Variants in CDH18 observed in about 807,000 individuals in gnomAD.
CDH18 encodes cadherin 18, also known as cadherin-18.
In CDH18, 31 loss-of-function variants were observed where a neutral mutation model predicts 67.9. The ratio of observed to expected loss-of-function variants is 0.46; its 90% CI spans 0.34 to 0.62. CDH18 has a LOEUF of 0.62. Among genes scored for constraint, CDH18 ranks in the 20% least tolerant of loss-of-function variants. The pLI is 0.01. For missense variants in CDH18, 890 were observed against 975.5 expected (o/e 0.91, Z 1.17); for synonymous variants, 362 against 347.2 (o/e 1.04, Z -0.48).
rs1034064817 is a variant in CDH18 at position 20,050,186 on chromosome 5, G to T, written c.-517-58172C>A. 2.7e-4 allele frequency among the ~76,000 whole-genome samples: 41 copies of T among 151,946 alleles called. 1 individual carries two copies. Among genetic ancestry groups the T allele is most frequent in the African/African-American group, 9.6e-4 (40 of 41,530 alleles). ...AATTTTGCCTTTGGGCAAATTGAGGGTTGAAGGGCATTTCCTAATAAAGGT... is the reference window on the plus strand; with the variant it reads ...AATTTTGCCTTTGGGCAAATTGAGGTTTGAAGGGCATTTCCTAATAAAGGT... On this transcript the variant is annotated intron_variant, in intron 2 of 14. Transcript: ENST00000507958.
Position 19,591,140 on chromosome 5 carries a change from A to G in CDH18, c.916T>C (p.Ser306Pro). ...DTGSNADMTYSIINGDGMGIF... is the reference protein window; with the variant it reads ...DTGSNADMTYPIINGDGMGIF... The stretch of plus-strand genomic sequence containing the variant: ...CCCATGCCATCACCATTTATGATGG[A>G]GTAGGTCATGTCAGCATTTGAGCCA... Residue 306 changes from serine to proline, a missense_variant, in exon 7 of 13, where the codon TCC becomes CCC. By Grantham distance (74) the Ser-to-Pro change is moderately conservative (BLOSUM62 -1). Transcript: ENST00000382275. 6.2e-7 allele frequency: 1 copy of G among 1,610,806 alleles called. No individual in the cohort carries two copies. The highest frequency in any genetic ancestry group is 8.5e-7 in the Non-Finnish European group (1 of 1,177,382).
At chr5:19,888,064 T>G (rs140226600) in intron 2 of CDH18, among the ~76,000 whole-genome samples, 1 of 152,132 alleles carries the variant, frequency 6.6e-6, no homozygotes, top group East Asian at 1.9e-4. Flanking sequence ...TATTCCCTTA[T>G]TCTATTTGTC....
At chr5:19,593,012 A>T (rs944893452) in intron 6 of CDH18, among the ~76,000 whole-genome samples, 1 of 151,974 alleles carries the variant, frequency 6.6e-6, no homozygotes, top group African/African-American at 2.4e-5. Flanking sequence ...CTCTTTTTTT[A>T]AGGCTAAATA....
intron 2 of CDH18, among the ~76,000 whole-genome samples, chr5:20,082,369 T>C (rs1453903557): frequency 2.0e-5 from 3 of 152,182 alleles, no homozygotes; most frequent in Non-Finnish European, 2.9e-5. Flanking sequence ...AATGGTGAAA[T>C]GTAATTAAAA....
At chr5:19,561,849 T>C (rs1030316657) in intron 8 of CDH18, among the ~76,000 whole-genome samples, 1 of 152,134 alleles carries the variant, frequency 6.6e-6, no homozygotes, top group Admixed American at 6.6e-5. Context: ...CATCTTTATG[T>C]CCCCCTGAGT....
chr5:19,820,520 C>T (rs1176567543), intron 3 of CDH18, among the ~76,000 whole-genome samples: 1 of 152,154 alleles, frequency 6.6e-6, no homozygotes, highest in African/African-American at 2.4e-5. Flanking sequence ...GTAGACATAC[C>T]CCACAACCCA....
intron 1 of CDH18, among the ~76,000 whole-genome samples, chr5:20,382,643 G>T (rs1744003813): frequency 6.6e-6 from 1 of 152,130 alleles, no homozygotes; most frequent in Non-Finnish European, 1.5e-5. Context: ...AATGGAGCTT[G>T]AAGCTTAAGG....
rs1213985771 is a variant in CDH18, at chr5:19,471,687, A to G, written c.*1539T>C. The stretch of plus-strand genomic sequence containing the variant: ...AACATTATCTAAAACAATTTGAAAA[A>G]AAAAGCCCCACCCAAATTCTCAGAA... On this transcript the variant is annotated 3_prime_UTR_variant, in exon 13 of 13. Transcript: ENST00000382275. Among the ~76,000 whole-genome samples the G allele has an allele frequency of 1.3e-5, 2 of 152,138 alleles. No homozygotes were observed. Among genetic ancestry groups the G allele is most frequent in the African/African-American group, 2.4e-5 (1 of 41,448 alleles).
chr5:19,631,009 C>T (rs950153637), intron 5 of CDH18, among the ~76,000 whole-genome samples: 1 of 151,816 alleles, frequency 6.6e-6, no homozygotes, highest in Non-Finnish European at 1.5e-5. Flanking sequence ...CCTTTCACTG[C>T]TTATTTTAAT....
At chr5:20,546,080 C>A (rs1386493017) in intron 1 of CDH18, among the ~76,000 whole-genome samples, 2 of 152,094 alleles carry the variant, frequency 1.3e-5, no homozygotes, top group African/African-American at 4.8e-5. Context: ...AGGGTGGGGG[C>A]AAAATGCTGC....
At chr5:20,191,180 T>C (rs1490862499) in intron 2 of CDH18, among the ~76,000 whole-genome samples, 1 of 152,100 alleles carries the variant, frequency 6.6e-6, no homozygotes, top group Non-Finnish European at 1.5e-5. Context: ...TGAGAAAAAG[T>C]TTGATATACC....
intron 1 of CDH18, among the ~76,000 whole-genome samples, chr5:20,322,956 T>TC (rs1738178585): frequency 3.3e-5 from 5 of 152,000 alleles, no homozygotes; most frequent in Admixed American, 2.0e-4. Context: ...AATATAAAAA[T>TC]CTAGATAGAA....
chr5:20,010,076 A>G (rs1309342501), intron 2 of CDH18, among the ~76,000 whole-genome samples: 1 of 150,788 alleles, frequency 6.6e-6, no homozygotes, highest in South Asian at 2.1e-4. Context: ...AGATCTGTCA[A>G]CGGAGACTCC....
chr5:20,552,705 T>C (rs1031924092), intron 1 of CDH18, among the ~76,000 whole-genome samples: 18 of 152,152 alleles, frequency 1.2e-4, no homozygotes, highest in Non-Finnish European at 1.5e-5. Context: ...AAACTTAGTC[T>C]ACGTGAAATT....
At position 19,747,355 on chromosome 5, in the gene CDH18, CCT is replaced by C; in HGVS notation, c.229-121_229-120del. ...ATGACTTTTCTTCCCTTTACAGTGCCCTGTGTGTTACTACTATCATTTGCTTT... is the reference window on the plus strand; with the variant it reads ...ATGACTTTTCTTCCCTTTACAGTGCCGTGTGTTACTACTATCATTTGCTTT... On this transcript the variant is annotated intron_variant, in intron 3 of 12. Transcript: ENST00000382275. 9.2e-6 allele frequency: 7 copies of C among 763,460 alleles called. No individual in the cohort carries two copies. The South Asian group carries it at 1.3e-4, about 14-fold the overall frequency. 47.3% of individuals were successfully genotyped at this position (763,460 alleles called of 1,614,324 possible).
chr5:19,650,565 T>G (rs1755428420), intron 5 of CDH18, among the ~76,000 whole-genome samples: 1 of 152,036 alleles, frequency 6.6e-6, no homozygotes, highest in African/African-American at 2.4e-5. Context: ...CACTCACACT[T>G]GGAAAAATCT....
At chr5:19,638,955 C>T (rs1323661136) in intron 5 of CDH18, among the ~76,000 whole-genome samples, 2 of 116,684 alleles carry the variant, frequency 1.7e-5, no homozygotes, top group African/African-American at 6.8e-5. Flanking sequence ...CCTCCCAGAT[C>T]GCTGGGAAGT....
At chr5:19,485,465 C>T (rs564473418) in intron 11 of CDH18, among the ~76,000 whole-genome samples, 2 of 152,198 alleles carry the variant, frequency 1.3e-5, no homozygotes, top group South Asian at 4.1e-4. Context: ...CCGTGTTAGC[C>T]AGGATGGTCT....
chr5:20,333,121 G>C lies in CDH18; in HGVS notation c.-579-77616C>G, dbSNP rs547687627. On this transcript the variant is annotated intron_variant, in intron 1 of 14. Coordinates refer to the CDH18 transcript ENST00000507958. ...GGACCTGCTGTACCTCTATATAATAGATATGAGAATTTATCTCAAGGGATA... is the reference window on the plus strand; with the variant it reads ...GGACCTGCTGTACCTCTATATAATACATATGAGAATTTATCTCAAGGGATA... Among the ~76,000 whole-genome samples, 10 of 152,134 alleles carry C rather than the reference G, an allele frequency of 6.6e-5. No homozygotes were observed. In the South Asian group the frequency reaches 1.9e-3, roughly 28 times the overall value.
Sources: allele counts gnomAD v4.1 joint callset (sites outside exome capture counted in the v4.1 genomes callset), GRCh38; gene constraint gnomAD v4.1.1; transcripts MANE v1.5; gene names NCBI Gene and HGNC (gene_info 2026-07-23, HGNC 2026-07-21).